The following ZNF512 variants were observed in gnomAD, a reference collection of about 807,000 sequenced individuals.
The protein encoded by ZNF512 is zinc finger protein 512.
ZNF512 carries 25 observed loss-of-function variants against 77.5 expected under a neutral mutation model. The ratio of observed to expected loss-of-function variants is 0.32; its 90% CI spans 0.23 to 0.45. ZNF512 has a LOEUF of 0.45. Ranked by LOEUF, ZNF512 falls within the 20% of genes least tolerant of loss-of-function variation. The pLI, the probability that ZNF512 is intolerant of heterozygous loss-of-function variation, is 1.00. For missense variants in ZNF512, 483 were observed against 692.6 expected (o/e 0.70, Z 3.40); for synonymous variants, 246 against 239.9 (o/e 1.03, Z -0.24).
At chr2:27,587,181 C>T (rs929459180) in intron 2 of ZNF512, among the ~76,000 whole-genome samples, 1 of 151,828 alleles carries the variant, frequency 6.6e-6, no homozygotes, top group Non-Finnish European at 1.5e-5. Flanking sequence ...ATTTTGCATT[C>T]CTACCAGCAA....
intron 10 of ZNF512, among the ~76,000 whole-genome samples, chr2:27,609,333 G>T (rs995074573): frequency 1.3e-5 from 2 of 152,122 alleles, no homozygotes; most frequent in Non-Finnish European, 2.9e-5. Context: ...AAAGTACATG[G>T]CTATCTAAAT....
intron 13 of ZNF512, among the ~76,000 whole-genome samples, chr2:27,619,325 C>T (rs550996851): frequency 6.6e-6 from 1 of 152,024 alleles, no homozygotes; most frequent in Non-Finnish European, 1.5e-5. Flanking sequence ...TTTGCTTGAA[C>T]CCAGGAGACG....
chr2:27,620,072 T>C (rs1673051275), intron 13 of ZNF512, among the ~76,000 whole-genome samples: 1 of 152,138 alleles, frequency 6.6e-6, no homozygotes. Flanking sequence ...CTGTGAGCCA[T>C]GTATATAATT....
chr2:27,620,794 T>A (rs1029120023), intron 13 of ZNF512, among the ~76,000 whole-genome samples: 3 of 152,092 alleles, frequency 2.0e-5, no homozygotes, highest in African/African-American at 7.2e-5. Flanking sequence ...GCTGCAAAAT[T>A]TATGCTCTTA....
intron 2 of ZNF512, among the ~76,000 whole-genome samples, chr2:27,594,780 G>A (rs1019666900): frequency 2.0e-5 from 3 of 152,138 alleles, no homozygotes; most frequent in Non-Finnish European, 4.4e-5. Context: ...CAAGGCAGGC[G>A]GCTGGGAGGT....
chr2:27,589,432 G>A (rs1402452307), intron 2 of ZNF512, among the ~76,000 whole-genome samples: 2 of 152,074 alleles, frequency 1.3e-5, no homozygotes, highest in Non-Finnish European at 2.9e-5. Flanking sequence ...TACATAATCT[G>A]CGGTAACCCC....
chr2:27,594,552 C>T (rs1671763520), intron 2 of ZNF512, among the ~76,000 whole-genome samples: 1 of 141,446 alleles, frequency 7.1e-6, no homozygotes, highest in South Asian at 2.3e-4. Context: ...GGCAGAGGCG[C>T]TGGTCACATC....
At chr2:27,585,026 A>G (rs751953919) in intron 2 of ZNF512, among the ~76,000 whole-genome samples, 1 of 152,236 alleles carries the variant, frequency 6.6e-6, no homozygotes, top group African/African-American at 2.4e-5. Context: ...AGAGATGAAT[A>G]AAGAACATGT....
At chr2:27,588,723 A>G (rs1176943069) in intron 2 of ZNF512, among the ~76,000 whole-genome samples, 2 of 152,092 alleles carry the variant, frequency 1.3e-5, no homozygotes, top group African/African-American at 2.4e-5. Context: ...TATAAGAAGT[A>G]TAGAATTGGG....
chr2:27,603,586 G>GTGTGTGTATATA (rs140043162), intron 9 of ZNF512, among the ~76,000 whole-genome samples: 1 of 72,488 alleles, frequency 1.4e-5, no homozygotes. Flanking sequence ...GTGTGTGTGT[G>GTGTGTGTATATA]TATATTTTTT....
intron 10 of ZNF512, among the ~76,000 whole-genome samples, chr2:27,614,854 G>T: frequency 6.6e-6 from 1 of 150,722 alleles, no homozygotes; most frequent in African/African-American, 2.4e-5. Context: ...TAGAACCTAT[G>T]AATCTTTCTT....
rs1010003035 is a variant in ZNF512 at position 27,622,345 on chromosome 2, C to T, written c.*884C>T. ...AGTCTCCTAGTGCTCCTGGTAGTGC[C>T]ACTAAGGGAAAACCAAGGTGCGCAT... On this transcript the variant is annotated 3_prime_UTR_variant, in exon 14 of 14. Coordinates refer to ENST00000355467, the MANE Select transcript of ZNF512 (RefSeq NM_032434.4). 2.0e-5 allele frequency: 3 copies of T among 152,786 alleles called. No homozygotes were observed. Among genetic ancestry groups the T allele is most frequent in the African/African-American group, 7.2e-5 (3 of 41,452 alleles). 9.5% of individuals were successfully genotyped at this position (152,786 alleles called of 1,614,324 possible).
At chr2:27,604,711 G>A (rs916300689) in intron 9 of ZNF512, among the ~76,000 whole-genome samples, 4 of 152,146 alleles carry the variant, frequency 2.6e-5, no homozygotes, top group Non-Finnish European at 5.9e-5. Flanking sequence ...AGCCCAGAAG[G>A]TTGAGGCTGC....
chr2:27,590,628 TTTC>T (rs1181896033), intron 2 of ZNF512, among the ~76,000 whole-genome samples: 3 of 152,146 alleles, frequency 2.0e-5, no homozygotes, highest in Admixed American at 1.3e-4. Context: ...TGTTCCTGTG[TTTC>T]TTCTTTTGGA....
At chr2:27,614,770 ATGAC>A (rs1483610778) in intron 10 of ZNF512, among the ~76,000 whole-genome samples, 1 of 150,860 alleles carries the variant, frequency 6.6e-6, no homozygotes, top group Non-Finnish European at 1.5e-5. Context: ...ATTTATTTCT[ATGAC>A]TGAGTACACG....
chr2:27,607,183 C>T (rs995211144), intron 9 of ZNF512, among the ~76,000 whole-genome samples: 1 of 152,160 alleles, frequency 6.6e-6, no homozygotes, highest in Non-Finnish European at 1.5e-5. Context: ...GCCAACTTGA[C>T]ACATCAAAAA....
intron 3 of ZNF512, 31 bp downstream of exon 3, chr2:27,598,285 G>A (rs765015760): frequency 1.2e-5 from 19 of 1,576,722 alleles, no homozygotes; most frequent in African/African-American, 1.0e-4. Context: ...TTCTGAAGAC[G>A]GGCCACTTCC....
At chr2:27,619,863 A>G (rs1673044231) in intron 13 of ZNF512, among the ~76,000 whole-genome samples, 2 of 152,218 alleles carry the variant, frequency 1.3e-5, no homozygotes, top group South Asian at 2.1e-4. Context: ...AGGACTTTTG[A>G]AAACATATGA....
intron 9 of ZNF512, among the ~76,000 whole-genome samples, chr2:27,604,531 A>G (rs1290876939): frequency 6.6e-6 from 1 of 152,194 alleles, no homozygotes; most frequent in African/African-American, 2.4e-5. Context: ...CTGTAATCCC[A>G]GCACTTTGGG....
Sources: gnomAD v4.1 joint callset for allele counts (sites outside exome capture counted in the v4.1 genomes callset) on GRCh38, gnomAD v4.1.1 for gene constraint, MANE v1.5 for transcripts, NCBI Gene and HGNC (gene_info 2026-07-23, HGNC 2026-07-21) for gene names.